Variants in ANKRD11 observed in about 807,000 individuals in gnomAD.
ANKRD11 encodes the protein ankyrin repeat domain 11, also known as ankyrin repeat domain-containing protein 11.
A neutral mutation model predicts 195.7 loss-of-function variants in ANKRD11; 17 were observed. The observed-to-expected ratio is 0.09, with a 90% CI of 0.06 to 0.13. ANKRD11 has a LOEUF of 0.13. Among genes scored for constraint, ANKRD11 ranks in the 10% least tolerant of loss-of-function variants. The pLI is 1.00. For missense variants in ANKRD11, 3,735 were observed against 3,566.1 expected, an observed-to-expected ratio of 1.05 and a Z score of -1.21; for synonymous variants, 1,953 against 1,528.1, an observed-to-expected ratio of 1.28 and a Z score of -6.49.
At chr16:89,425,505 C>G (rs1332854772) in intron 1 of ANKRD11, among the ~76,000 whole-genome samples, 1 of 152,196 alleles carries the variant, frequency 6.6e-6, no homozygotes, top group African/African-American at 2.4e-5. Context: ...ATTCCACTCC[C>G]ACAATGGTGC....
intron 11 of ANKRD11, chr16:89,271,457 T>C (rs1167118448): frequency 3.8e-5 from 8 of 212,050 alleles, no homozygotes; most frequent in Non-Finnish European, 7.7e-5. Flanking sequence ...TCTAGATATG[T>C]CACCGTCCTG....
rs995779536 is a variant in ANKRD11 at position 89,419,677 on chromosome 16, C to A, written c.-144-1309G>T. Among the ~76,000 whole-genome samples, 5 of 152,320 alleles carry A rather than the reference C, an allele frequency of 3.3e-5. No individual in the cohort carries two copies. The East Asian group carries it at 5.8e-4, about 18-fold the overall frequency. On this transcript the variant is annotated intron_variant, in intron 1 of 12. Coordinates refer to ENST00000301030, the MANE Select transcript of ANKRD11 (RefSeq NM_013275.6). Reference sequence around the variant, plus strand: ...ATTGAAGGCAGCTCCCAGGACAGGGCTTGCTGGTGCAGGGTTCCCCGGCTC... The same window carrying A: ...ATTGAAGGCAGCTCCCAGGACAGGGATTGCTGGTGCAGGGTTCCCCGGCTC...
chr16:89,273,975 G>A (rs1022125625), intron 11 of ANKRD11, among the ~76,000 whole-genome samples: 1 of 152,196 alleles, frequency 6.6e-6, no homozygotes, highest in Non-Finnish European at 1.5e-5. Context: ...ACAGGATGTG[G>A]GGCCTGGGGT....
intron 6 of ANKRD11, among the ~76,000 whole-genome samples, chr16:89,289,371 C>A (rs1017684156): frequency 2.0e-5 from 3 of 152,188 alleles, no homozygotes; most frequent in African/African-American, 7.2e-5. Context: ...TCTACACACA[C>A]GATTTTGCTC....
At position 89,405,991 on chromosome 16, in the gene ANKRD11, T is replaced by C. The variant is rs143364195; in HGVS notation, c.-60+12293A>G. 4.7e-3 allele frequency among the ~76,000 whole-genome samples: 709 copies of C among 151,742 alleles called. 6 individuals carry two copies. The highest frequency in any genetic ancestry group is 0.016 in the African/African-American group (655 of 41,284). On this transcript the variant is annotated intron_variant, in intron 2 of 12. Transcript: ENST00000301030. ...CGGGCGTGGTGGCACACACCTGCAA[T>C]CTCGGCTACTCAGGAGGCTGAGGTG...
intron 2 of ANKRD11, among the ~76,000 whole-genome samples, chr16:89,413,920 C>A (rs950027737): frequency 6.6e-6 from 1 of 152,160 alleles, no homozygotes; most frequent in African/African-American, 2.4e-5. Flanking sequence ...CCCTTCCCCT[C>A]CCCACCTCCA....
At chr16:89,398,560 AT>A (rs544209852) in intron 2 of ANKRD11, among the ~76,000 whole-genome samples, 53 of 151,868 alleles carry the variant, frequency 3.5e-4, no homozygotes, top group African/African-American at 1.1e-3. Context: ...CTTAAAAAAA[AT>A]TTTTTTTTAA....
At chr16:89,428,702 T>C (rs754926748) in intron 1 of ANKRD11, among the ~76,000 whole-genome samples, 4 of 151,718 alleles carry the variant, frequency 2.6e-5, no homozygotes, top group African/African-American at 4.8e-5. Context: ...GAGACCAGCC[T>C]GGCCAACATA....
At chr16:89,431,055 G>C (rs2042957128) in intron 1 of ANKRD11, among the ~76,000 whole-genome samples, 1 of 152,052 alleles carries the variant, frequency 6.6e-6, no homozygotes, top group Non-Finnish European at 1.5e-5. Context: ...GCTTCCAGAA[G>C]CCTAGGGTTA....
At chr16:89,420,828 C>T (rs191885895) in intron 1 of ANKRD11, among the ~76,000 whole-genome samples, 31 of 152,320 alleles carry the variant, frequency 2.0e-4, no homozygotes, top group Non-Finnish European at 3.5e-4. Context: ...GGGGTCCTCC[C>T]ACCTCAGCCT....
At chr16:89,385,374 CCGCTT>C (rs1263031659) in intron 2 of ANKRD11, among the ~76,000 whole-genome samples, 3 of 150,776 alleles carry the variant, frequency 2.0e-5, no homozygotes, top group Admixed American at 6.6e-5. Context: ...GGTGATCCAC[CCGCTT>C]CAGCCTCCCA....
intron 1 of ANKRD11, among the ~76,000 whole-genome samples, chr16:89,458,150 A>G (rs982779957): frequency 1.3e-5 from 2 of 152,206 alleles, no homozygotes; most frequent in African/African-American, 4.8e-5. Flanking sequence ...TTTAACCAAA[A>G]TAAAACTCAA....
At chr16:89,481,823 T>C (rs1286373118) in intron 1 of ANKRD11, among the ~76,000 whole-genome samples, 1 of 152,168 alleles carries the variant, frequency 6.6e-6, no homozygotes, top group African/African-American at 2.4e-5. Flanking sequence ...TCCCAGCCTT[T>C]GTCCCCAGCC....
rs145873182 is a variant in ANKRD11, at chr16:89,326,613, G to A, written c.-59-9535C>T. Among the ~76,000 whole-genome samples, 911 of 152,102 alleles carry A rather than the reference G, an allele frequency of 6.0e-3. 9 individuals are homozygous for A. Among genetic ancestry groups the A allele is most frequent in the Non-Finnish European group, 0.01 (682 of 68,010 alleles). ...AAAAATTAATCAGTCGAGGTGGCACGCACCTGTAATCCCAGCTCCTTGGGA... is the reference window on the plus strand; with the variant it reads ...AAAAATTAATCAGTCGAGGTGGCACACACCTGTAATCCCAGCTCCTTGGGA... On this transcript the variant is annotated intron_variant, in intron 2 of 12. Coordinates refer to ENST00000301030, the MANE Select transcript of ANKRD11 (RefSeq NM_013275.6).
chr16:89,446,328 G>A (rs2152306020), intron 1 of ANKRD11, among the ~76,000 whole-genome samples: 1 of 152,296 alleles, frequency 6.6e-6, no homozygotes, highest in Non-Finnish European at 1.5e-5. Context: ...AGGTGGACGG[G>A]CGCAGTGGCT....
At chr16:89,287,948 C>G in intron 7 of ANKRD11, 7 of 451,572 alleles carry the variant, frequency 1.6e-5, no homozygotes, top group South Asian at 1.2e-4. Flanking sequence ...ATGAAGACAT[C>G]AGTGAGACCC....
chr16:89,302,503 G>A (rs995035208), intron 4 of ANKRD11, among the ~76,000 whole-genome samples: 7 of 152,048 alleles, frequency 4.6e-5, no homozygotes, highest in African/African-American at 9.7e-5. Flanking sequence ...TGCCCGCCTC[G>A]GCCTCCCAAA....
chr16:89,280,905 T>C lies in ANKRD11; in HGVS notation c.5637A>G (p.Pro1879=). The change falls in exon 9 of 13, where the codon CCA becomes CCG. Residue 1879 remains proline (P), a synonymous_variant. Transcript: ENST00000301030. ...PAAVVTVTPS[P]EGVFSSLQAK... is the part of the protein sequence containing the mutation. ...CTTGTAAACTTGAGAAGACGCCCTC[T>C]GGAGACGGGGTGACAGTGACAACGG... is the stretch of plus-strand genomic sequence containing the variant. The C allele has an allele frequency of 1.9e-6, 3 of 1,601,874 alleles. No individual in the cohort carries two copies. The highest frequency in any genetic ancestry group is 2.6e-6 in the Non-Finnish European group (3 of 1,171,562).
chr16:89,450,629 T>C (rs2044027429), intron 1 of ANKRD11, among the ~76,000 whole-genome samples: 1 of 152,118 alleles, frequency 6.6e-6, no homozygotes, highest in South Asian at 2.1e-4. Flanking sequence ...TATGCATACA[T>C]TCCTAAACTC....
Sources: gnomAD v4.1 joint callset for allele counts (sites outside exome capture counted in the v4.1 genomes callset) on GRCh38, gnomAD v4.1.1 for gene constraint, MANE v1.5 for transcripts, NCBI Gene and HGNC (gene_info 2026-07-23, HGNC 2026-07-21) for gene names.